The following CTNNA2 variants were observed in gnomAD, a reference collection of about 807,000 sequenced individuals.
CTNNA2 encodes the protein catenin alpha-2.
Under a neutral mutation model 101.0 loss-of-function variants are expected in CTNNA2, and 42 were observed. The observed-to-expected ratio is 0.42, with a 90% CI of 0.32 to 0.54. The LOEUF is 0.54. Ranked by LOEUF, CTNNA2 falls within the 20% of genes least tolerant of loss-of-function variation. CTNNA2 has a pLI of 0.14. For synonymous variants in CTNNA2, 450 were observed against 456.4 expected (o/e 0.99, Z 0.18); for missense variants, 871 against 1,223.1 (o/e 0.71, Z 4.29).
chr2:79,522,062 T>G (rs1672147873), intron 1 of CTNNA2, among the ~76,000 whole-genome samples: 1 of 152,174 alleles, frequency 6.6e-6, no homozygotes, highest in Non-Finnish European at 1.5e-5. Context: ...GCAAGAAGAT[T>G]TTCATGTTTT....
chr2:79,723,759 C>T (rs77485599), intron 2 of CTNNA2, among the ~76,000 whole-genome samples: 3,921 of 152,260 alleles, frequency 0.026, 138 homozygotes, highest in African/African-American at 0.09. Flanking sequence ...CCCCACCCCC[C>T]GCTCTAATGG....
chr2:79,427,606 G>A lies in CTNNA2; in HGVS notation c.-135+53593G>A, dbSNP rs572866411. 2.1e-5 allele frequency among the ~76,000 whole-genome samples: 3 copies of A among 144,400 alleles called. No individual in the cohort carries two copies. In the South Asian group the frequency reaches 7.1e-4, roughly 34 times the overall value. 94.7% of individuals were successfully genotyped at this position (144,400 alleles called of 152,430 possible). ...CCTGAATCTTCCAGTCTCTAGGAAC[G>A]TTCTTTCTTTAATATTAAAAAAAAA... is the stretch of plus-strand genomic sequence containing the variant. On this transcript the variant is annotated intron_variant, in intron 4 of 21. Coordinates refer to the CTNNA2 transcript ENST00000466387.
chr2:80,286,200 C>T (rs531071326), intron 7 of CTNNA2, among the ~76,000 whole-genome samples: 1 of 152,230 alleles, frequency 6.6e-6, no homozygotes, highest in East Asian at 1.9e-4. Flanking sequence ...TGGATAGACC[C>T]ACTGGTGGCC....
At chr2:79,664,581 G>A (rs1342136454) in intron 2 of CTNNA2, among the ~76,000 whole-genome samples, 1 of 151,776 alleles carries the variant, frequency 6.6e-6, no homozygotes, top group African/African-American at 2.4e-5. Flanking sequence ...ATAAGCCAAT[G>A]TGTTGTATAA....
At chr2:79,568,858 CAAAAAAA>C (rs540965419) in intron 1 of CTNNA2, among the ~76,000 whole-genome samples, 2 of 68,974 alleles carry the variant, frequency 2.9e-5, no homozygotes, top group African/African-American at 1.4e-4. Context: ...TCTGTTTCTA[CAAAAAAA>C]AAAAAAAAAA....
At chr2:80,297,650 G>A (rs1297502159) in intron 7 of CTNNA2, among the ~76,000 whole-genome samples, 1 of 152,088 alleles carries the variant, frequency 6.6e-6, no homozygotes, top group Non-Finnish European at 1.5e-5. Flanking sequence ...AAAAATCAGA[G>A]TAGAGCATAC....
intron 9 of CTNNA2, among the ~76,000 whole-genome samples, chr2:80,453,487 G>C (rs1683700678): frequency 6.6e-6 from 1 of 152,222 alleles, no homozygotes; most frequent in East Asian, 1.9e-4. Flanking sequence ...GCTGGCTTTA[G>C]CAACAGCTTC....
intron 3 of CTNNA2, among the ~76,000 whole-genome samples, chr2:79,371,939 A>G (rs1391637370): frequency 2.6e-5 from 4 of 152,200 alleles, no homozygotes; most frequent in African/African-American, 9.7e-5. Context: ...TAACTTGTCA[A>G]GATGATCTGG....
chr2:79,488,648 A>G (rs963506377), intron 4 of CTNNA2, among the ~76,000 whole-genome samples: 2 of 152,166 alleles, frequency 1.3e-5, no homozygotes, highest in African/African-American at 2.4e-5. Flanking sequence ...AACCTTCTGG[A>G]TTATAGTATA....
At position 79,355,927 on chromosome 2, in the gene CTNNA2, CT is replaced by C. The variant is rs528475161; in HGVS notation, c.-317-17897del. 3.3e-5 allele frequency among the ~76,000 whole-genome samples: 5 copies of C among 152,036 alleles called. No individual in the cohort carries two copies. The South Asian group carries it at 1.0e-3, about 32-fold the overall frequency. ...TCACATACAAGTATTCATTTGAATA[CT>C]TTTTTTCTATTCCATAGGGTATATT... On this transcript the variant is annotated intron_variant, in intron 3 of 21. Transcript: ENST00000466387.
chr2:79,796,345 C>A (rs6547282), intron 3 of CTNNA2, among the ~76,000 whole-genome samples: 65,135 of 148,372 alleles, frequency 0.44, 17,956 homozygotes, highest in African/African-American at 0.77. Context: ...CCGAGAGCCG[C>A]GATTGCGCCG....
Position 79,313,616 on chromosome 2 carries a change from CA to C in CTNNA2, c.-318+823del, listed in dbSNP as rs962208604. Among the ~76,000 whole-genome samples the C allele has an allele frequency of 2.2e-4, 34 of 152,168 alleles. 1 individual carries two copies. The highest frequency in any genetic ancestry group is 8.2e-4 in the African/African-American group (34 of 41,532). ...TTTTTACTGACTTCCAATACACCAC[CA>C]AACAGGCCTGCAGTACCACATTAGC... On this transcript the variant is annotated intron_variant, in intron 3 of 21. Transcript: ENST00000466387.
chr2:80,075,610 ATGTATAAATATAAATATTTATAC>A (rs1698649904), intron 7 of CTNNA2, among the ~76,000 whole-genome samples: 1 of 105,946 alleles, frequency 9.4e-6, no homozygotes, highest in Non-Finnish European at 1.8e-5. Flanking sequence ...ATATTTATAC[ATGTATAAATATAAATATTTATAC>A]ATGTATAAAT....
chr2:79,562,921 G>A (rs1334830366), intron 1 of CTNNA2, among the ~76,000 whole-genome samples: 2 of 151,832 alleles, frequency 1.3e-5, no homozygotes, highest in Non-Finnish European at 2.9e-5. Context: ...GAGATAAAGA[G>A]AGAAAAGAAT....
chr2:79,324,272 G>A (rs1558626438), intron 3 of CTNNA2, among the ~76,000 whole-genome samples: 2 of 152,194 alleles, frequency 1.3e-5, no homozygotes, highest in Non-Finnish European at 2.9e-5. Flanking sequence ...GCTTGTTGGA[G>A]TATGCATGGC....
In CTNNA2 at chr2:79,253,407, T is replaced by C. The variant is rs114649941; in HGVS notation, c.-406+55331T>C. Reference sequence around the variant, plus strand: ...AAGAAATAGATGTGCAGGGAAAGGCTACTGTTTGTTTTCTCTCACTGGTGC... The same window carrying C: ...AAGAAATAGATGTGCAGGGAAAGGCCACTGTTTGTTTTCTCTCACTGGTGC... On this transcript the variant is annotated intron_variant, in intron 2 of 21. Coordinates refer to the CTNNA2 transcript ENST00000466387. Among the ~76,000 whole-genome samples, 306 of 152,362 alleles carry C rather than the reference T, an allele frequency of 2.0e-3. 1 individual carries two copies. Among genetic ancestry groups the C allele is most frequent in the African/African-American group, 7.1e-3 (297 of 41,598 alleles).
rs561716143 is a variant in CTNNA2, at chr2:80,092,037, G to T, written c.1056+182240G>T. Among the ~76,000 whole-genome samples, 19 of 152,120 alleles carry T rather than the reference G, an allele frequency of 1.2e-4. No individual in the cohort carries two copies. The East Asian group carries it at 2.3e-3, about 19-fold the overall frequency. Reference sequence around the variant, plus strand: ...GGAAATGTATCTTATTTACTTTTGTGTCTCTAGCAATCACGACAAATGATC... The same window carrying T: ...GGAAATGTATCTTATTTACTTTTGTTTCTCTAGCAATCACGACAAATGATC... On this transcript the variant is annotated intron_variant, in intron 7 of 18. Coordinates refer to ENST00000402739, the MANE Select transcript of CTNNA2 (RefSeq NM_001282597.3).
chr2:79,618,089 C>G (rs1248025840), intron 1 of CTNNA2, among the ~76,000 whole-genome samples: 1 of 152,126 alleles, frequency 6.6e-6, no homozygotes, highest in Admixed American at 6.5e-5. Context: ...GATTGGCAAG[C>G]AGGAATAGGT....
At chr2:79,308,823 A>G (rs1676304435) in intron 2 of CTNNA2, among the ~76,000 whole-genome samples, 1 of 144,944 alleles carries the variant, frequency 6.9e-6, no homozygotes, top group African/African-American at 2.5e-5. Flanking sequence ...TCAAGAAATT[A>G]TTTTCCTTCT....
Sources: gnomAD v4.1 joint callset for allele counts (sites outside exome capture counted in the v4.1 genomes callset) on GRCh38, gnomAD v4.1.1 for gene constraint, MANE v1.5 for transcripts, NCBI Gene and HGNC (gene_info 2026-07-23, HGNC 2026-07-21) for gene names.